The following KIAA0586 variants were observed in gnomAD, a reference collection of about 807,000 sequenced individuals.
The protein encoded by KIAA0586 is protein TALPID3.
A neutral mutation model predicts 169.8 loss-of-function variants in KIAA0586; 144 were observed. The ratio of observed to expected loss-of-function variants is 0.85; its 90% CI spans 0.74 to 0.97. The LOEUF is 0.97. KIAA0586 is among the 50% of genes least tolerant of loss of function. The pLI, the probability that KIAA0586 is intolerant of heterozygous loss-of-function variation, is 0.00. For missense variants in KIAA0586, 1,854 were observed against 1,823.0 expected (o/e 1.02, Z -0.31); for synonymous variants, 625 against 612.4 (o/e 1.02, Z -0.30).
upstream of KIAA0586, chr14:58,427,580 C>T (rs2036919962): frequency 6.5e-7 from 1 of 1,535,384 alleles, no homozygotes; most frequent in African/African-American, 1.4e-5. Flanking sequence ...TTTGTTTCCA[C>T]CCGGAGAGGA....
intron 3 of KIAA0586, among the ~76,000 whole-genome samples, chr14:58,431,892 A>G (rs921256774): frequency 6.6e-6 from 1 of 152,164 alleles, no homozygotes; most frequent in African/African-American, 2.4e-5. Context: ...TAGTGTATAG[A>G]AACGCTACTG....
At chr14:58,471,925 A>G (rs1414973906) in intron 17 of KIAA0586, among the ~76,000 whole-genome samples, 1 of 152,178 alleles carries the variant, frequency 6.6e-6, no homozygotes, top group African/African-American at 2.4e-5. Flanking sequence ...TCTCAATTAT[A>G]TCAACCTGTT....
chr14:58,453,290 T>C, intron 8 of KIAA0586, 60 bp from the exon 9 acceptor site: 1 of 911,268 alleles, frequency 1.1e-6, no homozygotes, highest in South Asian at 2.0e-5. Context: ...ATGTGAGATA[T>C]TATATACAAG....
At chr14:58,518,683 C>T (rs1216507766) in intron 29 of KIAA0586, among the ~76,000 whole-genome samples, 1 of 152,238 alleles carries the variant, frequency 6.6e-6, no homozygotes, top group African/African-American at 2.4e-5. Flanking sequence ...GTTACCTTCT[C>T]TCCCCACTTC....
intron 25 of KIAA0586, 122 bp downstream of exon 25, chr14:58,490,362 C>A: frequency 4.3e-6 from 2 of 465,006 alleles, no homozygotes; most frequent in Non-Finnish European, 7.6e-6. Flanking sequence ...AGTAAAATAA[C>A]CATGAAATAA....
chr14:58,442,583 T>A, intron 4 of KIAA0586, 123 bp from the exon 5 acceptor site: 1 of 672,626 alleles, frequency 1.5e-6, no homozygotes, highest in Non-Finnish European at 2.5e-6. Flanking sequence ...ATGACCTTGT[T>A]TGATAGGTGA....
intron 27 of KIAA0586, among the ~76,000 whole-genome samples, chr14:58,502,235 A>G (rs1039394913): frequency 2.0e-5 from 3 of 151,996 alleles, no homozygotes; most frequent in African/African-American, 7.3e-5. Flanking sequence ...TCCTGGGTTC[A>G]AGTGATTCTC....
At chr14:58,469,131 T>G (rs947383752) in intron 16 of KIAA0586, among the ~76,000 whole-genome samples, 1 of 152,176 alleles carries the variant, frequency 6.6e-6, no homozygotes, top group Non-Finnish European at 1.5e-5. Context: ...GCCTGAGAGA[T>G]TCCCAGGGAC....
At chr14:58,545,610 G>T (rs1237168709) in intron 30 of KIAA0586, among the ~76,000 whole-genome samples, 1 of 152,126 alleles carries the variant, frequency 6.6e-6, no homozygotes, top group African/African-American at 2.4e-5. Context: ...TTATTCATGA[G>T]GTGAGCTCTG....
At chr14:58,437,445 T>C (rs1357685057) in intron 4 of KIAA0586, among the ~76,000 whole-genome samples, 1 of 152,100 alleles carries the variant, frequency 6.6e-6, no homozygotes, top group Non-Finnish European at 1.5e-5. Context: ...AGACAGTGGC[T>C]CATGCCTATA....
chr14:58,488,510 A>T (rs2042623213), intron 23 of KIAA0586, 111 bp from the exon 24 acceptor site: 4 of 1,264,258 alleles, frequency 3.2e-6, no homozygotes, highest in Non-Finnish European at 4.4e-6. Flanking sequence ...GTGCAGATTT[A>T]AAAAAATATT....
the KIAA0586 span, among the ~76,000 whole-genome samples, chr14:58,558,756 GT>G: frequency 2.0e-5 from 3 of 152,186 alleles, no homozygotes. Context: ...TTGCTCTGAG[GT>G]TTTAAACAAA....
intron 25 of KIAA0586, 110 bp from the exon 26 acceptor site, chr14:58,492,034 T>A (rs1471255118): frequency 2.5e-6 from 2 of 797,924 alleles, no homozygotes; most frequent in African/African-American, 3.5e-5. Context: ...TTTCCAAAAA[T>A]GCTAATATCA....
chr14:58,467,697 T>C (rs1265544516), intron 15 of KIAA0586, 38 bp from the exon 16 acceptor site: 1 of 1,462,640 alleles, frequency 6.8e-7, no homozygotes, highest in Non-Finnish European at 9.4e-7. Flanking sequence ...CCTTTTTTTC[T>C]GAACTAGTTG....
chr14:58,512,044 T>C (rs917239090), intron 28 of KIAA0586, among the ~76,000 whole-genome samples: 2 of 152,160 alleles, frequency 1.3e-5, no homozygotes, highest in Non-Finnish European at 1.5e-5. Context: ...AAATGGAAGA[T>C]AACAATACCT....
rs1269239029 is a variant in KIAA0586 at position 58,430,522 on chromosome 14, TGAA to T, written c.271-122_271-120del. ...CATCAGAATTGCATGATGATGGAAATGAAGAATATGAAATACACAGTCCTGCCC... is the reference window on the plus strand; with the variant it reads ...CATCAGAATTGCATGATGATGGAAATGAATATGAAATACACAGTCCTGCCC... On this transcript the variant is annotated intron_variant, in intron 2 of 30. Transcript: ENST00000652326. 7.2e-6 allele frequency: 4 copies of T among 556,700 alleles called. No individual in the cohort carries two copies. In the African/African-American group the frequency reaches 7.8e-5, roughly 11 times the overall value. 34.5% of individuals were successfully genotyped at this position (556,700 alleles called of 1,614,324 possible).
intron 29 of KIAA0586, among the ~76,000 whole-genome samples, chr14:58,514,924 T>A (rs1051606025): frequency 7.2e-5 from 11 of 152,104 alleles, no homozygotes; most frequent in African/African-American, 2.4e-5. Context: ...AAATTAACTT[T>A]CATCAATACA....
chr14:58,521,473 G>T lies in KIAA0586; in HGVS notation c.4429+8846G>T, dbSNP rs1437382351. The T allele has an allele frequency of 4.0e-6, 3 of 758,612 alleles. No individual in the cohort carries two copies. In the African/African-American group the frequency reaches 5.2e-5, roughly 13 times the overall value. The allele number at this position is 758,612 out of a possible 1,614,324, so 47.0% of individuals were successfully genotyped here. A position where few individuals can be genotyped will look rare whatever the true frequency, so the allele number is the denominator to read the frequency against. On this transcript the variant is annotated intron_variant, in intron 29 of 30. Transcript: ENST00000652326. The stretch of plus-strand genomic sequence containing the variant: ...TGACTTGGACCATGACTTTCAACGG[G>T]ATTATTATGATAGGATGTACAGTTA...
intron 24 of KIAA0586, among the ~76,000 whole-genome samples, chr14:58,489,210 T>C (rs2042671905): frequency 7.1e-6 from 1 of 141,530 alleles, no homozygotes; most frequent in South Asian, 2.2e-4. Flanking sequence ...ATGCATATTG[T>C]TTTGAAACCT....
Sources: allele counts gnomAD v4.1 joint callset (sites outside exome capture counted in the v4.1 genomes callset), GRCh38; gene constraint gnomAD v4.1.1; transcripts MANE v1.5; gene names NCBI Gene and HGNC (gene_info 2026-07-23, HGNC 2026-07-21).